The following SLC35F5 variants were observed in gnomAD, a reference collection of about 807,000 sequenced individuals.
SLC35F5 encodes solute carrier family 35 member F5.
In SLC35F5, 54 loss-of-function variants were observed where a neutral mutation model predicts 68.6. The observed-to-expected ratio is 0.79, with a 90% CI of 0.63 to 0.99. SLC35F5 has a LOEUF of 0.99. Ranked by LOEUF, SLC35F5 falls within the 50% of genes least tolerant of loss-of-function variation. The pLI is 0.00. For missense variants in SLC35F5, 567 were observed against 626.9 expected, an observed-to-expected ratio of 0.90 and a Z score of 1.02; for synonymous variants, 211 against 205.2, an observed-to-expected ratio of 1.03 and a Z score of -0.24.
In SLC35F5 at chr2:113,755,293, A is replaced by G; in HGVS notation, c.145T>C (p.Cys49Arg). The change falls in exon 3 of 16, where the codon TGT (cysteine) becomes CGT (arginine). Residue 49 changes from cysteine (C) to arginine (R), a missense_variant. Physicochemically the swap from Cys to Arg is radical, Grantham distance 180. Transcript: ENST00000245680. ...TTCATTCGGTTCATGACAAATACAC[A>G]CACCATTTGCAGTCTGTTTTTTAGA... ...RALKTRLQMV[C>R]VFVMNRMNSQ... 6.2e-7 allele frequency: 1 copy of G among 1,614,098 alleles called. No homozygotes were observed. The highest frequency in any genetic ancestry group is 2.2e-5 in the East Asian group (1 of 44,878).
intron 3 of SLC35F5, among the ~76,000 whole-genome samples, chr2:113,752,397 T>C (rs1163989314): frequency 6.6e-6 from 1 of 152,186 alleles, no homozygotes; most frequent in Non-Finnish European, 1.5e-5. Flanking sequence ...TGAGGAATTT[T>C]ATAGTACTTA....
At chr2:113,753,197 C>CTTTTTTTTTTTTTTT (rs1676827892) in intron 3 of SLC35F5, among the ~76,000 whole-genome samples, 1 of 12,278 alleles carries the variant, frequency 8.1e-5, no homozygotes, top group Non-Finnish European at 1.7e-4. Context: ...TTTTTTTTTG[C>CTTTTTTTTTTTTTTT]TAAGGAGTTT....
rs1330599182 is a variant in SLC35F5 at position 113,712,877 on chromosome 2, G to T, written c.*2341C>A. The T allele has an allele frequency of 6.6e-6, 1 of 152,182 alleles. No individual in the cohort carries two copies. Among genetic ancestry groups the T allele is most frequent in the Non-Finnish European group, 1.5e-5 (1 of 68,020 alleles). The allele number at this position is 152,182 out of a possible 1,614,324, so 9.4% of individuals were successfully genotyped here. A position where few individuals can be genotyped will look rare whatever the true frequency, so the allele number is the denominator to read the frequency against. On this transcript the variant is annotated 3_prime_UTR_variant, in exon 16 of 16. Transcript: ENST00000245680. ...GGTCTGACAGAGAGGAAGGACGTCA[G>T]CAGTTACTTGAATGTAACCCCTTCC... is the stretch of plus-strand genomic sequence containing the variant.
chr2:113,746,146 T>A lies in SLC35F5; in HGVS notation c.480+131A>T, dbSNP rs548328767. On this transcript the variant is annotated intron_variant, in intron 5 of 15. Coordinates refer to ENST00000245680, the MANE Select transcript of SLC35F5 (RefSeq NM_025181.5). ...GAAAAAAAGTACCAAATTACAATCC[T>A]AATGATGGGCACCCAATATTGAGCC... 1.0e-4 allele frequency: 71 copies of A among 704,436 alleles called. 1 individual carries two copies. The South Asian group carries it at 1.1e-3, about 11-fold the overall frequency. 43.6% of individuals were successfully genotyped at this position (704,436 alleles called of 1,614,324 possible). A position where few individuals can be genotyped will look rare whatever the true frequency, so the allele number is the denominator to read the frequency against.
In SLC35F5 at chr2:113,709,396, TAA is replaced by T. The variant is rs1049204240; in HGVS notation, c.*5820_*5821del. On this transcript the variant is annotated 3_prime_UTR_variant, in exon 16 of 16. Transcript: ENST00000245680. ...AGCATTTTACACCTGAGAGGAATCT[TAA>T]AAGATACTGAATTTCGCTTCTCACT... is the stretch of plus-strand genomic sequence containing the variant. 4.7e-4 allele frequency among the ~76,000 whole-genome samples: 72 copies of T among 152,364 alleles called. 1 individual carries two copies. The highest frequency in any genetic ancestry group is 1.7e-3 in the African/African-American group (70 of 41,576).
rs1479312553 is a variant in SLC35F5, at chr2:113,721,384, T to C, written c.1341+1720A>G. The C allele has an allele frequency of 1.9e-5, 3 of 153,936 alleles. No homozygotes were observed. The East Asian group carries it at 5.8e-4, about 30-fold the overall frequency. 9.5% of individuals were successfully genotyped at this position (153,936 alleles called of 1,614,324 possible). On this transcript the variant is annotated intron_variant, in intron 13 of 15. Coordinates refer to ENST00000245680, the MANE Select transcript of SLC35F5 (RefSeq NM_025181.5). ...ACTGGGCAATCAGTTAAAGTTTGGT[T>C]ATGTTTTTATAATTAATTGCATGTG...
intron 7 of SLC35F5, among the ~76,000 whole-genome samples, chr2:113,739,578 A>G (rs142564258): frequency 7.6e-4 from 116 of 152,348 alleles, no homozygotes; most frequent in African/African-American, 2.6e-3. Flanking sequence ...GTATGTAATA[A>G]AAATAGTTTA....
At chr2:113,756,008 G>T in intron 1 of SLC35F5, 1 of 1,512,694 alleles carries the variant, frequency 6.6e-7, no homozygotes, top group African/African-American at 1.4e-5. Flanking sequence ...ATCTCTTCAA[G>T]TGGTAAAAGA....
rs935390633 is a variant in SLC35F5 at position 113,713,520 on chromosome 2, G to A, written c.*1698C>T. 1.3e-5 allele frequency: 2 copies of A among 152,116 alleles called. No homozygotes were observed. Among genetic ancestry groups the A allele is most frequent in the African/African-American group, 4.8e-5 (2 of 41,416 alleles). The allele number at this position is 152,116 out of a possible 1,614,324, so 9.4% of individuals were successfully genotyped here. On this transcript the variant is annotated 3_prime_UTR_variant, in exon 16 of 16. Transcript: ENST00000245680. ...CGAACAGCAAAAACAAAAAGTAGAG[G>A]TATCTAGATTATAAACTTCAACCAA... is the stretch of plus-strand genomic sequence containing the variant.
intron 3 of SLC35F5, among the ~76,000 whole-genome samples, chr2:113,754,152 T>C (rs910041690): frequency 6.6e-6 from 1 of 151,770 alleles, no homozygotes; most frequent in Admixed American, 6.6e-5. Context: ...TAGCCTGGCG[T>C]GGTGGGGTGT....
chr2:113,750,400 C>A, intron 4 of SLC35F5, 25 bp downstream of exon 4: 1 of 1,565,608 alleles, frequency 6.4e-7, no homozygotes. Context: ...CCCTTCCTAA[C>A]AGACAGTTAA....
intron 13 of SLC35F5, among the ~76,000 whole-genome samples, chr2:113,722,388 T>C (rs997130592): frequency 3.3e-5 from 5 of 150,910 alleles, no homozygotes; most frequent in Non-Finnish European, 5.9e-5. Flanking sequence ...CACACATACA[T>C]ACACACACAC....
chr2:113,750,396 C>T, intron 4 of SLC35F5, 29 bp downstream of exon 4: 1 of 1,564,264 alleles, frequency 6.4e-7, no homozygotes, highest in Non-Finnish European at 8.7e-7. Context: ...TACCCCCTTC[C>T]TAACAGACAG....
chr2:113,754,156 G>A (rs745709771), intron 3 of SLC35F5, among the ~76,000 whole-genome samples: 3 of 151,998 alleles, frequency 2.0e-5, no homozygotes, highest in Non-Finnish European at 4.4e-5. Context: ...CTGGCGTGGT[G>A]GGGTGTGCCT....
At chr2:113,717,007 C>T (rs1687207709) in intron 15 of SLC35F5, among the ~76,000 whole-genome samples, 1 of 152,122 alleles carries the variant, frequency 6.6e-6, no homozygotes, top group Non-Finnish European at 1.5e-5. Flanking sequence ...AGAAACACTT[C>T]AATATAAATT....
Position 113,709,967 on chromosome 2 carries a change from A to G in SLC35F5, c.*5251T>C, listed in dbSNP as rs1368723104. 6.6e-6 allele frequency among the ~76,000 whole-genome samples: 1 copy of G among 152,010 alleles called. No individual in the cohort carries two copies. ...GCTCAGACTACAGGTATGCACTACC[A>G]TGCCTGTTTGTTTTTTGTTTTTGTT... is the stretch of plus-strand genomic sequence containing the variant. On this transcript the variant is annotated 3_prime_UTR_variant, in exon 16 of 16. Transcript: ENST00000245680.
At chr2:113,744,399 G>A (rs1223224785) in intron 5 of SLC35F5, among the ~76,000 whole-genome samples, 1 of 152,100 alleles carries the variant, frequency 6.6e-6, no homozygotes, top group Non-Finnish European at 1.5e-5. Context: ...ACTGTGTATT[G>A]AGTACCAACT....
intron 4 of SLC35F5, among the ~76,000 whole-genome samples, chr2:113,748,091 CAACAACAGCAACAAAAAATGAA>C: frequency 6.6e-6 from 1 of 152,168 alleles, no homozygotes; most frequent in East Asian, 1.9e-4. Flanking sequence ...GACTCTGTCT[CAACAACAGCAACAAAAAATGAA>C]TGAAGTACAG....
At chr2:113,731,135 T>C (rs1174693975) in intron 10 of SLC35F5, among the ~76,000 whole-genome samples, 1 of 152,130 alleles carries the variant, frequency 6.6e-6, no homozygotes, top group Admixed American at 6.5e-5. Flanking sequence ...TTGAGGAACA[T>C]TCTACAAACC....
Sources: gnomAD v4.1 joint callset for allele counts (sites outside exome capture counted in the v4.1 genomes callset) on GRCh38, gnomAD v4.1.1 for gene constraint, MANE v1.5 for transcripts, NCBI Gene and HGNC (gene_info 2026-07-23, HGNC 2026-07-21) for gene names.